PEX10: variants seen among roughly 807,000 people sequenced by gnomAD.
PEX10 encodes peroxisome biogenesis factor 10.
Under a neutral mutation model 38.0 loss-of-function variants are expected in PEX10, and 32 were observed. That is an observed-to-expected ratio of 0.84 (90% CI 0.63 to 1.13). The LOEUF is 1.13. Among genes scored for constraint, PEX10 ranks in the 50% most tolerant of loss-of-function variants. The probability of loss-of-function intolerance (pLI) is 0.00; values close to 1 mark genes in which losing one functional copy is unlikely to be tolerated. For synonymous variants in PEX10, 206 were observed against 207.3 expected (o/e 0.99, Z 0.05); for missense variants, 483 against 457.7 (o/e 1.06, Z -0.51).
Position 2,404,407 on chromosome 1 carries a change from TTTC to T in PEX10, c.*1356_*1358del, listed in dbSNP as rs1158334571. The T allele has an allele frequency of 6.6e-6, 1 of 152,270 alleles. No individual in the cohort carries two copies. Among genetic ancestry groups the T allele is most frequent in the Non-Finnish European group, 1.5e-5 (1 of 68,056 alleles). 9.4% of individuals were successfully genotyped at this position (152,270 alleles called of 1,614,324 possible). A position where few individuals can be genotyped will look rare whatever the true frequency, so the allele number is the denominator to read the frequency against. ...GAGTGTTTGTCATTTTTCATACTGT[TTTC>T]TTAATAAGCGCTCAGGCCTAAGGTG... is the stretch of plus-strand genomic sequence containing the variant. On this transcript the variant is annotated 3_prime_UTR_variant, in exon 6 of 6. Coordinates refer to ENST00000447513, the MANE Select transcript of PEX10 (RefSeq NM_002617.4).
rs139004865 is a variant in PEX10 at position 2,406,436 on chromosome 1, C to T, written c.912+48G>A. ...TCTGCTGCAGCCAGGTGCATCTTGC[C>T]GGCACAGCCGCTGACCACCCCAGGA... On this transcript the variant is annotated intron_variant, in intron 5 of 5. Transcript: ENST00000447513. 7.1e-3 allele frequency: 11,337 copies of T among 1,603,714 alleles called. 51 individuals are homozygous for T. Among genetic ancestry groups the T allele is most frequent in the Non-Finnish European group, 8.4e-3 (9,906 of 1,179,372 alleles).
chr1:2,406,857 G>A lies in PEX10; in HGVS notation c.639C>T (p.Ala213=), dbSNP rs1215215096. ...CCCCCAGCAGCCTGTAGCTAACACGGGCCCTCAGGTCCTCTCCGGGCAGGC... is the reference window on the plus strand; with the variant it reads ...CCCCCAGCAGCCTGTAGCTAACACGAGCCCTCAGGTCCTCTCCGGGCAGGC... The part of the protein sequence containing the change: ...VRSLPGEDLR[A]RVSYRLLGVI... The change falls in exon 4 of 6, where the codon GCC becomes GCT. Residue 213 remains alanine, a synonymous_variant. Coordinates refer to ENST00000447513, the MANE Select transcript of PEX10 (RefSeq NM_002617.4). 3 of 1,609,926 alleles carry A rather than the reference G, an allele frequency of 1.9e-6. No homozygotes were observed. Among genetic ancestry groups the A allele is most frequent in the African/African-American group, 2.7e-5 (2 of 75,000 alleles).
chr1:2,410,422 C>T lies in PEX10; in HGVS notation c.142G>A (p.Glu48Lys), dbSNP rs1241657365. 3 of 1,614,006 alleles carry T rather than the reference C, an allele frequency of 1.9e-6. No homozygotes were observed. The highest frequency in any genetic ancestry group is 1.7e-5 in the Admixed American group (1 of 59,998). The stretch of plus-strand genomic sequence containing the variant: ...GCCACATCTGAGAGCAGCTCAACCT[C>T]CTTCCTCCACTCCAGCCACTTCCTC... ...GARKWLEWRK[E>K]VELLSDVAYF... Residue 48 changes from glutamate to lysine, a missense_variant, in exon 2 of 6, where the codon GAG becomes AAG. Physicochemically the swap from Glu to Lys is moderately conservative, Grantham distance 56 (BLOSUM62 1). Coordinates refer to ENST00000447513, the MANE Select transcript of PEX10 (RefSeq NM_002617.4). The surrounding 1 kb of genome is among the most constrained non-coding windows in gnomAD (Gnocchi z 5.1).
intron 1 of PEX10, among the ~76,000 whole-genome samples, chr1:2,411,825 CATTG>C (rs1643236719): frequency 6.6e-6 from 1 of 152,252 alleles, no homozygotes; most frequent in African/African-American, 2.4e-5. Context: ...GGTGCTGCTT[CATTG>C]AGTACACTGG....
rs773673732 is a variant in PEX10, at chr1:2,410,478, G to C, written c.113-27C>G. The C allele has an allele frequency of 1.6e-5, 25 of 1,608,018 alleles. No individual in the cohort carries two copies. Among genetic ancestry groups the C allele is most frequent in the Non-Finnish European group, 2.1e-5 (25 of 1,175,508 alleles). On this transcript the variant is annotated intron_variant, in intron 1 of 5. Transcript: ENST00000447513. The surrounding 1 kb of genome is among the most constrained non-coding windows in gnomAD (Gnocchi z 5.1). ...TGAGAGGAGAAACAGTATTAGTCCGGGGGAGCTGGTGGGCATCCTCTGAGG... is the reference window on the plus strand; with the variant it reads ...TGAGAGGAGAAACAGTATTAGTCCGCGGGAGCTGGTGGGCATCCTCTGAGG...
At chr1:2,406,365 T>C in intron 5 of PEX10, 119 bp downstream of exon 5, 1 of 1,378,680 alleles carries the variant, frequency 7.3e-7, no homozygotes, top group South Asian at 1.2e-5. Context: ...GATGCCCACC[T>C]CTGTACCCTC....
At chr1:2,406,048 T>G (rs1424875534) in intron 5 of PEX10, among the ~76,000 whole-genome samples, 1 of 152,090 alleles carries the variant, frequency 6.6e-6, no homozygotes, top group East Asian at 1.9e-4. Flanking sequence ...GCTCAGGGTG[T>G]GGGGCTCGGC....
At position 2,410,151 on chromosome 1, in the gene PEX10, CAAAG is replaced by C. The variant is rs1643140194; in HGVS notation, c.193+216_193+219del. ...GTGGCACCCGGGGTAAAGTCTTAAA[CAAAG>C]AACCCCAGGGACACACAAAGGCTGG... On this transcript the variant is annotated intron_variant, in intron 2 of 5. Coordinates refer to ENST00000447513, the MANE Select transcript of PEX10 (RefSeq NM_002617.4). The surrounding 1 kb of genome is among the most constrained non-coding windows in gnomAD (Gnocchi z 5.1). 5.3e-6 allele frequency: 3 copies of C among 564,582 alleles called. No homozygotes were observed. Among genetic ancestry groups the C allele is most frequent in the Non-Finnish European group, 9.6e-6 (3 of 312,818 alleles). 35.0% of individuals were successfully genotyped at this position (564,582 alleles called of 1,614,324 possible). A position where few individuals can be genotyped will look rare whatever the true frequency, so the allele number is the denominator to read the frequency against.
intron 1 of PEX10, among the ~76,000 whole-genome samples, chr1:2,411,366 G>A (rs1166016066): frequency 6.6e-6 from 1 of 151,292 alleles, no homozygotes; most frequent in Non-Finnish European, 1.5e-5. Flanking sequence ...CCAAGTAGCT[G>A]GGATTACACG....
In PEX10 at chr1:2,408,547, G is replaced by A; in HGVS notation, c.505C>T (p.Gln169Ter). ...ALLRAVFVLR[Q>*]GLACLQRLHV... ...AGCCGCTGGAGGCAGGCGAGGCCCTGTCTGAGGACGAAGACCGCCCGCAGC... is the reference window on the plus strand; with the variant it reads ...AGCCGCTGGAGGCAGGCGAGGCCCTATCTGAGGACGAAGACCGCCCGCAGC... Residue 169 changes from glutamine (Q) to a stop codon, truncating the protein, a stop_gained, in exon 3 of 6, where the codon CAG becomes TAG. Coordinates refer to ENST00000447513, the MANE Select transcript of PEX10 (RefSeq NM_002617.4). LOFTEE classifies it high-confidence loss of function. 7 of 1,612,618 alleles carry A rather than the reference G, an allele frequency of 4.3e-6. No homozygotes were observed. Among genetic ancestry groups the A allele is most frequent in the Non-Finnish European group, 5.9e-6 (7 of 1,179,990 alleles).
At chr1:2,405,963 T>A in intron 5 of PEX10, 129 bp from the exon 6 acceptor site, 2 of 797,628 alleles carry the variant, frequency 2.5e-6, no homozygotes, top group Non-Finnish European at 4.0e-6. Flanking sequence ...TTCCTTCAAC[T>A]AATGACCAAG....
At chr1:2,408,068 ACTGT>A (rs907973305) in intron 3 of PEX10, among the ~76,000 whole-genome samples, 11 of 152,068 alleles carry the variant, frequency 7.2e-5, no homozygotes, top group African/African-American at 2.2e-4. Context: ...ATGCTCCCAC[ACTGT>A]CTGGGAGAAG....
At chr1:2,411,230 C>CTTTT (rs140273455) in intron 1 of PEX10, among the ~76,000 whole-genome samples, 22 of 114,020 alleles carry the variant, frequency 1.9e-4, no homozygotes, top group Middle Eastern at 7.0e-3. Flanking sequence ...ATGGCTTTGC[C>CTTTT]TTTTTTTTTT....
rs757119183 is a variant in PEX10, at chr1:2,410,339, C to A, written c.193+32G>T. The A allele has an allele frequency of 2.5e-6, 4 of 1,584,458 alleles. No individual in the cohort carries two copies. Among genetic ancestry groups the A allele is most frequent in the South Asian group, 1.1e-5 (1 of 90,434 alleles). ...CCCCAGACTTGGTGTGTGTGGCTGCCCTCAGTCCTGAGGTCCCGTGGGAGC... is the reference window on the plus strand; with the variant it reads ...CCCCAGACTTGGTGTGTGTGGCTGCACTCAGTCCTGAGGTCCCGTGGGAGC... On this transcript the variant is annotated intron_variant, in intron 2 of 5. Coordinates refer to ENST00000447513, the MANE Select transcript of PEX10 (RefSeq NM_002617.4). The surrounding 1 kb of genome is among the most constrained non-coding windows in gnomAD (Gnocchi z 5.1).
At chr1:2,412,648 G>T, upstream of PEX10, 1 of 564,652 alleles carries the variant, frequency 1.8e-6, no homozygotes, top group Non-Finnish European at 2.6e-6. Context: ...TGGGGCTGGA[G>T]GCGGGGCCAG....
Position 2,410,443 on chromosome 1 carries a change from T to G in PEX10, c.121A>C (p.Lys41Gln), listed in dbSNP as rs756958133. The part of the protein sequence containing the change: ...GALHSLAGAR[K>Q]WLEWRKEVEL... ...ACCTCCTTCCTCCACTCCAGCCACT[T>G]CCTCGCACCTGAGAGGAGAAACAGT... The change falls in exon 2 of 6, where the codon AAG (lysine) becomes CAG (glutamine). Residue 41 changes from lysine (K) to glutamine (Q), a missense_variant. By Grantham distance (53) the Lys-to-Gln change is moderately conservative. Coordinates refer to ENST00000447513, the MANE Select transcript of PEX10 (RefSeq NM_002617.4). The surrounding 1 kb of genome is among the most constrained non-coding windows in gnomAD (Gnocchi z 5.1). The G allele has an allele frequency of 6.2e-7, 1 of 1,614,012 alleles. No individual in the cohort carries two copies. Among genetic ancestry groups the G allele is most frequent in the South Asian group, 1.1e-5 (1 of 91,072 alleles).
Position 2,405,137 on chromosome 1 carries a change from G to T in PEX10, c.*629C>A, listed in dbSNP as rs377439419. On this transcript the variant is annotated 3_prime_UTR_variant, in exon 6 of 6. Coordinates refer to ENST00000447513, the MANE Select transcript of PEX10 (RefSeq NM_002617.4). The stretch of plus-strand genomic sequence containing the variant: ...TTCTAAAACTGGAAGCGACCTTGAC[G>T]TGTATTGAAGGTGTGTGTGCCAAAT... 4.0e-4 allele frequency: 66 copies of T among 165,652 alleles called. No individual in the cohort carries two copies. Among genetic ancestry groups the T allele is most frequent in the African/African-American group, 1.5e-3 (63 of 41,664 alleles). 10.3% of individuals were successfully genotyped at this position (165,652 alleles called of 1,614,324 possible).
In PEX10 at chr1:2,406,805, A is replaced by G. The variant is rs981804249; in HGVS notation, c.691T>C (p.Ser231Pro). Residue 231 changes from serine (S) to proline (P), a missense_variant, in exon 4 of 6, where the codon TCC (serine) becomes CCC (proline). Coordinates refer to ENST00000447513, the MANE Select transcript of PEX10 (RefSeq NM_002617.4). Reference sequence around the variant, plus strand: ...AAACCGTACAGCTGCAGCCCCATGGACAGCACCAGGTGCAGCAGTGAGATG... The same window carrying G: ...AAACCGTACAGCTGCAGCCCCATGGGCAGCACCAGGTGCAGCAGTGAGATG... ...GVISLLHLVL[S>P]MGLQLYGFRQ... 1 of 1,610,938 alleles carries G rather than the reference A, an allele frequency of 6.2e-7. No homozygotes were observed. The highest frequency in any genetic ancestry group is 1.3e-5 in the African/African-American group (1 of 74,896).
At position 2,405,849 on chromosome 1, in the gene PEX10, AAG is replaced by A. The variant is rs764894972; in HGVS notation, c.913-17_913-16del. ...GGACACTCCGCCTGCGGAGAGGAGA[AAG>A]GGGGTCACAGCAGCTGGGGCCACTG... On this transcript the variant is annotated splice_polypyrimidine_tract_variant and intron_variant, in intron 5 of 5. Transcript: ENST00000447513. 2.7e-5 allele frequency: 43 copies of A among 1,580,746 alleles called. 1 individual carries two copies. In the Middle Eastern group the frequency reaches 5.1e-4, roughly 19 times the overall value.
Sources: gnomAD v4.1 joint callset for allele counts (sites outside exome capture counted in the v4.1 genomes callset) on GRCh38, gnomAD v4.1.1 for gene constraint, Gnocchi (gnomAD v3.1) non-coding constraint, MANE v1.5 for transcripts, NCBI Gene and HGNC (gene_info 2026-07-23, HGNC 2026-07-21) for gene names.